Variants in PPFIBP1 observed in about 807,000 individuals in gnomAD.
The protein encoded by PPFIBP1 is liprin-beta-1.
PPFIBP1 carries 112 observed loss-of-function variants against 137.8 expected under a neutral mutation model. The observed-to-expected ratio is 0.81, with a 90% CI of 0.70 to 0.95. The LOEUF is 0.95. Among genes scored for constraint, PPFIBP1 ranks in the 40% least tolerant of loss-of-function variants. The pLI is 0.00. For synonymous variants in PPFIBP1, 378 were observed against 417.3 expected (o/e 0.91, Z 1.15); for missense variants, 1,083 against 1,196.6 (o/e 0.91, Z 1.40).
intron 1 of PPFIBP1, among the ~76,000 whole-genome samples, chr12:27,543,136 C>T (rs1945847798): frequency 6.6e-6 from 1 of 152,142 alleles, no homozygotes; most frequent in African/African-American, 2.4e-5. Flanking sequence ...AAAAAAAACT[C>T]CCTGAAATTA....
intron 2 of PPFIBP1, among the ~76,000 whole-genome samples, chr12:27,597,051 C>T (rs1033659549): frequency 6.6e-6 from 1 of 152,126 alleles, no homozygotes; most frequent in African/African-American, 2.4e-5. Context: ...GAAGAAAATC[C>T]GTTGAGGGGA....
chr12:27,599,360 A>G, intron 2 of PPFIBP1: 1 of 430,324 alleles, frequency 2.3e-6, no homozygotes, highest in South Asian at 1.7e-5. Flanking sequence ...ACTGGCACTT[A>G]CACTATCAGC....
intron 1 of PPFIBP1, among the ~76,000 whole-genome samples, chr12:27,524,589 A>G (rs535556428): frequency 5.9e-4 from 89 of 152,018 alleles, no homozygotes; most frequent in Middle Eastern, 3.4e-3. Flanking sequence ...ATACTCCAGG[A>G]TTGGACGTTT....
At chr12:27,610,532 G>T (rs2054985792) in intron 2 of PPFIBP1, among the ~76,000 whole-genome samples, 1 of 152,186 alleles carries the variant, frequency 6.6e-6, no homozygotes, top group Non-Finnish European at 1.5e-5. Flanking sequence ...TTTTTCATCT[G>T]ACATGTTTGC....
intron 11 of PPFIBP1, 127 bp from the exon 12 acceptor site, chr12:27,664,235 A>T: frequency 3.1e-6 from 2 of 639,824 alleles, no homozygotes; most frequent in Non-Finnish European, 5.5e-6. Flanking sequence ...TCTTTTTTTT[A>T]AATGCTCTCT....
chr12:27,637,086 C>T (rs561680582), intron 4 of PPFIBP1: 1 of 152,326 alleles, frequency 6.6e-6, no homozygotes, highest in South Asian at 2.1e-4. Context: ...TCTTACATCT[C>T]CCTGCTTATT....
At chr12:27,568,197 AAAGAG>A (rs2049846743) in intron 1 of PPFIBP1, among the ~76,000 whole-genome samples, 1 of 152,214 alleles carries the variant, frequency 6.6e-6, no homozygotes, top group South Asian at 2.1e-4. Flanking sequence ...ATCTCATAAG[AAAGAG>A]AAGTTGTCAT....
At chr12:27,587,316 A>G (rs2051883464) in intron 2 of PPFIBP1, among the ~76,000 whole-genome samples, 1 of 152,168 alleles carries the variant, frequency 6.6e-6, no homozygotes. Flanking sequence ...TTAAATATAT[A>G]TAATCTCATA....
intron 1 of PPFIBP1, among the ~76,000 whole-genome samples, chr12:27,558,256 G>GTTTTTT (rs11434356): frequency 3.6e-5 from 5 of 139,382 alleles, no homozygotes; most frequent in East Asian, 2.2e-4. Flanking sequence ...GACCTTCTGG[G>GTTTTTT]TTTTTTTTTT....
chr12:27,639,774 T>C (rs1279035480), intron 4 of PPFIBP1, among the ~76,000 whole-genome samples: 1 of 152,226 alleles, frequency 6.6e-6, no homozygotes, highest in Non-Finnish European at 1.5e-5. Context: ...TAATCCCAAA[T>C]GTATATTTTT....
At chr12:27,617,197 C>T (rs1246930042) in intron 2 of PPFIBP1, among the ~76,000 whole-genome samples, 1 of 152,166 alleles carries the variant, frequency 6.6e-6, no homozygotes, top group Admixed American at 6.5e-5. Flanking sequence ...GTATGTTGTT[C>T]CGCAGCCTTG....
intron 2 of PPFIBP1, among the ~76,000 whole-genome samples, chr12:27,585,383 A>AC (rs1009547205): frequency 9.9e-5 from 15 of 152,086 alleles, no homozygotes; most frequent in South Asian, 2.1e-4. Flanking sequence ...GTCTCCCTGC[A>AC]CCCCCCTCAT....
intron 4 of PPFIBP1, among the ~76,000 whole-genome samples, chr12:27,643,163 A>G (rs1287192602): frequency 2.7e-5 from 4 of 145,918 alleles, no homozygotes; most frequent in Non-Finnish European, 6.0e-5. Context: ...GAGGTCAACC[A>G]TGGCGTGCAT....
At chr12:27,530,361 A>G (rs1944279687) in intron 1 of PPFIBP1, among the ~76,000 whole-genome samples, 1 of 152,040 alleles carries the variant, frequency 6.6e-6, no homozygotes, top group African/African-American at 2.4e-5. Flanking sequence ...TGATCTTGCC[A>G]GGGCCATTTG....
chr12:27,539,469 A>T (rs910317603), intron 1 of PPFIBP1, among the ~76,000 whole-genome samples: 1 of 152,174 alleles, frequency 6.6e-6, no homozygotes, highest in Non-Finnish European at 1.5e-5. Context: ...AAATCTTCTG[A>T]TGGAAAATGT....
chr12:27,689,303 G>C, intron 27 of PPFIBP1, 100 bp downstream of exon 27: 1 of 1,191,500 alleles, frequency 8.4e-7, no homozygotes, highest in Non-Finnish European at 1.1e-6. Flanking sequence ...TAAGTTTTGT[G>C]GGTGGGTTCC....
rs1379627741 is a variant in PPFIBP1 at position 27,651,388 on chromosome 12, A to G, written c.603+1247A>G. On this transcript the variant is annotated intron_variant, in intron 7 of 29. Transcript: ENST00000228425. Reference sequence around the variant, plus strand: ...TCCCAAAAGCACTGAGGTTACAGGCATGAGTCACCATGCCCAGCCATGTTT... The same window carrying G: ...TCCCAAAAGCACTGAGGTTACAGGCGTGAGTCACCATGCCCAGCCATGTTT... Among the ~76,000 whole-genome samples, 5 of 152,000 alleles carry G rather than the reference A, an allele frequency of 3.3e-5. No homozygotes were observed. The East Asian group carries it at 9.6e-4, about 29-fold the overall frequency.
chr12:27,540,669 G>T (rs147144280), intron 1 of PPFIBP1, among the ~76,000 whole-genome samples: 1 of 152,312 alleles, frequency 6.6e-6, no homozygotes, highest in East Asian at 1.9e-4. Flanking sequence ...GTTGTCAGCT[G>T]CCCCAAAGCT....
intron 2 of PPFIBP1, among the ~76,000 whole-genome samples, chr12:27,623,417 T>C (rs947579395): frequency 2.3e-4 from 35 of 152,198 alleles, no homozygotes; most frequent in Non-Finnish European, 8.8e-5. Context: ...TTTAAGGTCA[T>C]GGCTCGGTGC....
Sources: allele counts gnomAD v4.1 joint callset (sites outside exome capture counted in the v4.1 genomes callset), GRCh38; gene constraint gnomAD v4.1.1; transcripts MANE v1.5; gene names NCBI Gene and HGNC (gene_info 2026-07-23, HGNC 2026-07-21).